GFRA1: variants seen among roughly 807,000 people sequenced by gnomAD.
GFRA1 encodes the protein GDNF family receptor alpha-1.
GFRA1 carries 16 observed loss-of-function variants against 51.6 expected under a neutral mutation model. The observed-to-expected ratio is 0.31, with a 90% CI of 0.21 to 0.47. The LOEUF is 0.47. Among genes scored for constraint, GFRA1 ranks in the 20% least tolerant of loss-of-function variants. The pLI, the probability that GFRA1 is intolerant of heterozygous loss-of-function variation, is 1.00. For synonymous variants in GFRA1, 270 were observed against 241.3 expected (o/e 1.12, Z -1.10); for missense variants, 530 against 594.3 (o/e 0.89, Z 1.13).
chr10:116,160,281 T>C (rs1432021167), intron 5 of GFRA1, among the ~76,000 whole-genome samples: 1 of 152,260 alleles, frequency 6.6e-6, no homozygotes, highest in East Asian at 1.9e-4. Context: ...AGGAAAGATA[T>C]TTTTAATTTC....
chr10:116,075,441 G>T (rs1275677516), intron 9 of GFRA1, among the ~76,000 whole-genome samples: 1 of 152,138 alleles, frequency 6.6e-6, no homozygotes. Context: ...CCTGGAGGCT[G>T]AGTTACTGTG....
chr10:116,214,415 G>C (rs1965423194), intron 4 of GFRA1, among the ~76,000 whole-genome samples: 1 of 152,180 alleles, frequency 6.6e-6, no homozygotes, highest in Non-Finnish European at 1.5e-5. Context: ...CTACGAGGGA[G>C]GGAAAGAGGG....
At position 116,061,724 on chromosome 10, in the gene GFRA1, G is replaced by A. The variant is rs1038155335; in HGVS notation, c.*2674C>T. 1 of 326,024 alleles carries A rather than the reference G, an allele frequency of 3.1e-6. No homozygotes were observed. The highest frequency in any genetic ancestry group is 1.6e-4 in the South Asian group (1 of 6,320). The allele number at this position is 326,024 out of a possible 1,614,324, so 20.2% of individuals were successfully genotyped here. On this transcript the variant is annotated 3_prime_UTR_variant, in exon 11 of 11. Coordinates refer to ENST00000355422, the MANE Select transcript of GFRA1 (RefSeq NM_005264.8). Reference sequence around the variant, plus strand: ...TCTTCAGTGGCACCCCAAATGCCCGGACTGAAGGACAGGAAGTAGCGAATC... The same window carrying A: ...TCTTCAGTGGCACCCCAAATGCCCGAACTGAAGGACAGGAAGTAGCGAATC...
chr10:116,095,743 C>T lies in GFRA1; in HGVS notation c.880+912G>A, dbSNP rs149174733. ...GAATGTAGTCTGTGCTGTCATTCTC[C>T]GGGAGAGGTTCTTCCTAGTGGTGAC... is the stretch of plus-strand genomic sequence containing the variant. On this transcript the variant is annotated intron_variant, in intron 7 of 10. Coordinates refer to ENST00000355422, the MANE Select transcript of GFRA1 (RefSeq NM_005264.8). Among the ~76,000 whole-genome samples the T allele has an allele frequency of 1.1e-3, 165 of 152,258 alleles. 2 individuals are homozygous for T. The highest frequency in any genetic ancestry group is 3.6e-3 in the African/African-American group (151 of 41,538).
intron 9 of GFRA1, among the ~76,000 whole-genome samples, chr10:116,069,575 C>T (rs764072166): frequency 4.6e-5 from 7 of 152,176 alleles, no homozygotes; most frequent in East Asian, 1.9e-4. Context: ...CCAGGCACGT[C>T]GCATAAATGA....
intron 5 of GFRA1, among the ~76,000 whole-genome samples, chr10:116,128,726 A>AG (rs1491210955): frequency 2.7e-5 from 1 of 37,298 alleles, no homozygotes; most frequent in African/African-American, 1.6e-4. Flanking sequence ...ACTCTGTCTC[A>AG]AAAAAAAAAA....
chr10:116,196,523 T>G (rs1963770857), intron 5 of GFRA1, among the ~76,000 whole-genome samples: 1 of 134,040 alleles, frequency 7.5e-6, no homozygotes, highest in African/African-American at 2.9e-5. Flanking sequence ...ATTTATAAAT[T>G]TATATATTTA....
chr10:116,073,384 AATAT>A (rs1347341890), intron 9 of GFRA1, among the ~76,000 whole-genome samples: 1 of 152,218 alleles, frequency 6.6e-6, no homozygotes, highest in Non-Finnish European at 1.5e-5. Flanking sequence ...AGGTTGCAGA[AATAT>A]ATTAGAGAAC....
At chr10:116,102,181 A>G (rs1956841700) in intron 6 of GFRA1, among the ~76,000 whole-genome samples, 1 of 152,170 alleles carries the variant, frequency 6.6e-6, no homozygotes. Flanking sequence ...ACCGCCCATA[A>G]TGGCTCTGAA....
chr10:116,090,468 C>T (rs1402353306), intron 8 of GFRA1, among the ~76,000 whole-genome samples: 1 of 143,374 alleles, frequency 7.0e-6, no homozygotes, highest in Non-Finnish European at 1.5e-5. Context: ...CCCCAAATCT[C>T]ATCAGTATCT....
In GFRA1 at chr10:116,125,208, A is replaced by C; in HGVS notation, c.770+13T>G. The C allele has an allele frequency of 6.2e-7, 1 of 1,606,466 alleles. No individual in the cohort carries two copies. The highest frequency in any genetic ancestry group is 8.5e-7 in the Non-Finnish European group (1 of 1,172,956). On this transcript the variant is annotated intron_variant, in intron 6 of 10. Coordinates refer to ENST00000355422, the MANE Select transcript of GFRA1 (RefSeq NM_005264.8). ...GTCACCTCATTAATCACCAGCTGCC[A>C]GTGCCCACTTACCTGCAGATGTAAT...
intron 2 of GFRA1, 128 bp downstream of exon 2, chr10:116,271,862 G>T: frequency 1.3e-6 from 1 of 787,048 alleles, no homozygotes; most frequent in South Asian, 1.5e-5. Context: ...TCCCCAAAAA[G>T]ACACTTCTTC....
intron 6 of GFRA1, among the ~76,000 whole-genome samples, chr10:116,107,671 C>A (rs1957055712): frequency 6.6e-6 from 1 of 152,090 alleles, no homozygotes; most frequent in Non-Finnish European, 1.5e-5. Context: ...AAGCATCAAG[C>A]CTGTGTTCAT....
chr10:116,241,917 C>A (rs1268828831), intron 4 of GFRA1, among the ~76,000 whole-genome samples: 1 of 151,964 alleles, frequency 6.6e-6, no homozygotes, highest in East Asian at 1.9e-4. Context: ...AAACCCTAAG[C>A]AAGAGTTGTG....
At chr10:116,068,525 C>T (rs1023865884) in intron 9 of GFRA1, among the ~76,000 whole-genome samples, 4 of 152,166 alleles carry the variant, frequency 2.6e-5, no homozygotes, top group African/African-American at 9.7e-5. Flanking sequence ...TCACAGTGGG[C>T]ATGCTGCAGA....
At chr10:116,086,673 A>T (rs1039916756) in intron 9 of GFRA1, among the ~76,000 whole-genome samples, 1 of 152,218 alleles carries the variant, frequency 6.6e-6, no homozygotes, top group Non-Finnish European at 1.5e-5. Flanking sequence ...GTTTAGCTCC[A>T]GGATATGTGG....
At chr10:116,068,981 G>T (rs1015925857) in intron 9 of GFRA1, among the ~76,000 whole-genome samples, 1 of 152,128 alleles carries the variant, frequency 6.6e-6, no homozygotes, top group African/African-American at 2.4e-5. Flanking sequence ...AACTAGAAAA[G>T]CACCTTTTAT....
At chr10:116,152,603 A>G (rs911544876) in intron 5 of GFRA1, among the ~76,000 whole-genome samples, 1 of 152,192 alleles carries the variant, frequency 6.6e-6, no homozygotes, top group Admixed American at 6.5e-5. Context: ...GCCTGACCCA[A>G]TCACCTCCCA....
chr10:116,117,366 C>T (rs986647802), intron 6 of GFRA1, among the ~76,000 whole-genome samples: 8 of 152,112 alleles, frequency 5.3e-5, no homozygotes, highest in Non-Finnish European at 7.4e-5. Context: ...TTGCTAACAG[C>T]CACTCTAAGC....
Sources: gnomAD v4.1 joint callset for allele counts (sites outside exome capture counted in the v4.1 genomes callset) on GRCh38, gnomAD v4.1.1 for gene constraint, MANE v1.5 for transcripts, NCBI Gene and HGNC (gene_info 2026-07-23, HGNC 2026-07-21) for gene names.